The following RIN3 variants were observed in gnomAD, a reference collection of about 807,000 sequenced individuals.
The protein encoded by RIN3 is Ras and Rab interactor 3.
A neutral mutation model predicts 76.3 loss-of-function variants in RIN3; 54 were observed. The observed-to-expected ratio is 0.71, with a 90% CI of 0.57 to 0.89. The LOEUF (loss-of-function observed/expected upper bound fraction) is 0.89, where lower values mean the gene tolerates loss of function less well. Ranked by LOEUF, RIN3 falls within the 40% of genes least tolerant of loss-of-function variation. The probability of loss-of-function intolerance (pLI) is 0.00; values close to 1 mark genes in which losing one functional copy is unlikely to be tolerated. For missense variants in RIN3, 1,256 were observed against 1,322.1 expected, an observed-to-expected ratio of 0.95 and a Z score of 0.78; for synonymous variants, 576 against 564.0, an observed-to-expected ratio of 1.02 and a Z score of -0.30.
intron 4 of RIN3, among the ~76,000 whole-genome samples, chr14:92,634,114 G>A (rs1451911919): frequency 8.4e-6 from 1 of 118,436 alleles, no homozygotes; most frequent in Non-Finnish European, 1.7e-5. Context: ...CACTATTGTT[G>A]CCCAGGCTGG....
chr14:92,600,170 C>T (rs1417458912), intron 3 of RIN3, among the ~76,000 whole-genome samples: 1 of 152,214 alleles, frequency 6.6e-6, no homozygotes, highest in Non-Finnish European at 1.5e-5. Context: ...AGATCAGTGT[C>T]AGCTTTCTTA....
At chr14:92,547,905 T>C (rs1287696338) in intron 1 of RIN3, among the ~76,000 whole-genome samples, 2 of 152,066 alleles carry the variant, frequency 1.3e-5, no homozygotes, top group Non-Finnish European at 2.9e-5. Flanking sequence ...GGTTTCACCA[T>C]GTTGGCCAGG....
At chr14:92,615,373 C>T (rs951892036) in intron 3 of RIN3, 34 bp from the exon 4 acceptor site, 4 of 1,594,878 alleles carry the variant, frequency 2.5e-6, no homozygotes, top group Non-Finnish European at 3.4e-6. Flanking sequence ...GCAGGATACT[C>T]ACCTCACCCA....
chr14:92,599,214 T>C (rs976251835), intron 3 of RIN3, among the ~76,000 whole-genome samples: 3 of 151,770 alleles, frequency 2.0e-5, no homozygotes, highest in Non-Finnish European at 2.9e-5. Context: ...CACGATCCGA[T>C]GTGCCTGCTA....
At chr14:92,618,143 A>G (rs1262027854) in intron 4 of RIN3, among the ~76,000 whole-genome samples, 1 of 152,194 alleles carries the variant, frequency 6.6e-6, no homozygotes, top group African/African-American at 2.4e-5. Flanking sequence ...CCATCAAAGT[A>G]TAAGGTTCTT....
chr14:92,627,527 C>T (rs1450001055), intron 4 of RIN3, among the ~76,000 whole-genome samples: 1 of 152,252 alleles, frequency 6.6e-6, no homozygotes, highest in Non-Finnish European at 1.5e-5. Context: ...TTCACACACA[C>T]TTTCAACCTC....
intron 1 of RIN3, among the ~76,000 whole-genome samples, chr14:92,531,730 A>G (rs773173722): frequency 2.0e-5 from 3 of 152,108 alleles, no homozygotes; most frequent in Non-Finnish European, 2.9e-5. Flanking sequence ...CAGGGCTGCT[A>G]TCCTTGGCCT....
chr14:92,637,364 C>G (rs949381235), intron 4 of RIN3, among the ~76,000 whole-genome samples: 2 of 152,094 alleles, frequency 1.3e-5, no homozygotes, highest in African/African-American at 4.8e-5. Flanking sequence ...TGGAACGCTG[C>G]TGCTGATCTG....
intron 1 of RIN3, among the ~76,000 whole-genome samples, chr14:92,543,368 G>A (rs8003531): frequency 0.78 from 119,294 of 152,100 alleles, 47,203 homozygotes; most frequent in African/African-American, 0.87. Flanking sequence ...ATTGCTTCTC[G>A]GAATGGGTTG....
chr14:92,659,141 G>T lies in RIN3; in HGVS notation c.2027-20G>T. Reference sequence around the variant, plus strand: ...CCCTGCATCTGGTTTCCTCACCCTCGCTCTCTTGTTTACCTGCAGAAGCAA... The same window carrying T: ...CCCTGCATCTGGTTTCCTCACCCTCTCTCTCTTGTTTACCTGCAGAAGCAA... On this transcript the variant is annotated intron_variant, in intron 6 of 9. Transcript: ENST00000216487. The T allele has an allele frequency of 6.2e-7, 1 of 1,612,612 alleles. No homozygotes were observed.
chr14:92,530,366 C>T (rs1896853307), intron 1 of RIN3, among the ~76,000 whole-genome samples: 1 of 152,188 alleles, frequency 6.6e-6, no homozygotes, highest in South Asian at 2.1e-4. Flanking sequence ...ATTTTCTGTG[C>T]TTCTAACAGA....
chr14:92,641,198 G>A (rs748486983), intron 4 of RIN3, 40 bp from the exon 5 acceptor site: 2 of 1,472,596 alleles, frequency 1.4e-6, no homozygotes, highest in East Asian at 2.3e-5. Flanking sequence ...AATGGACACG[G>A]TGGACCCAGA....
chr14:92,675,269 A>G (rs1330008737), intron 7 of RIN3, among the ~76,000 whole-genome samples: 1 of 152,150 alleles, frequency 6.6e-6, no homozygotes, highest in African/African-American at 2.4e-5. Flanking sequence ...TCATCCCTCT[A>G]GTAATTTATA....
intron 1 of RIN3, among the ~76,000 whole-genome samples, chr14:92,542,286 T>C (rs56045049): frequency 0.036 from 5,428 of 151,066 alleles, 322 homozygotes; most frequent in African/African-American, 0.13. Context: ...AGACCCTGTC[T>C]CAAAAAAAAA....
At chr14:92,515,266 C>T (rs766254309) in intron 1 of RIN3, 1 of 699,780 alleles carries the variant, frequency 1.4e-6, no homozygotes, top group Non-Finnish European at 2.6e-6. Flanking sequence ...GAAGAGCCCC[C>T]CAACCCTCAC....
chr14:92,552,099 G>A (rs913018316), intron 1 of RIN3, among the ~76,000 whole-genome samples: 1 of 152,204 alleles, frequency 6.6e-6, no homozygotes, highest in Non-Finnish European at 1.5e-5. Flanking sequence ...GAGGGGCAGA[G>A]GCCCAGAAAG....
intron 7 of RIN3, among the ~76,000 whole-genome samples, chr14:92,672,040 G>A (rs892399079): frequency 2.0e-5 from 3 of 152,222 alleles, no homozygotes; most frequent in African/African-American, 4.8e-5. Flanking sequence ...TATGAGGCAA[G>A]ATGGGAAATG....
intron 4 of RIN3, among the ~76,000 whole-genome samples, chr14:92,635,103 T>G (rs1341569147): frequency 6.6e-6 from 1 of 152,056 alleles, no homozygotes; most frequent in Non-Finnish European, 1.5e-5. Context: ...TATCTGGAGG[T>G]TTTTCTTGGC....
chr14:92,619,544 A>T (rs1313607460), intron 4 of RIN3, among the ~76,000 whole-genome samples: 2 of 141,816 alleles, frequency 1.4e-5, no homozygotes, highest in Non-Finnish European at 1.5e-5. Context: ...GGTTCACACC[A>T]TTCTCCTGCC....
Sources: allele counts gnomAD v4.1 joint callset (sites outside exome capture counted in the v4.1 genomes callset), GRCh38; gene constraint gnomAD v4.1.1; transcripts MANE v1.5; gene names NCBI Gene and HGNC (gene_info 2026-07-23, HGNC 2026-07-21).